Variants in SNTG2 observed in about 807,000 individuals in gnomAD.
SNTG2 encodes the protein syntrophin gamma 2, also known as gamma-2-syntrophin.
In SNTG2, 74 loss-of-function variants were observed where a neutral mutation model predicts 70.9. That is an observed-to-expected ratio of 1.04 (90% CI 0.86 to 1.27). The LOEUF (loss-of-function observed/expected upper bound fraction) is 1.27, where lower values mean the gene tolerates loss of function less well. Among genes scored for constraint, SNTG2 ranks in the 50% most tolerant of loss-of-function variants. The probability of loss-of-function intolerance (pLI) is 0.00; values close to 1 mark genes in which losing one functional copy is unlikely to be tolerated. For missense variants in SNTG2, 717 were observed against 690.7 expected, an observed-to-expected ratio of 1.04 and a Z score of -0.43; for synonymous variants, 278 against 273.8, an observed-to-expected ratio of 1.02 and a Z score of -0.15.
chr2:1,334,785 G>A (rs965364244), intron 16 of SNTG2, among the ~76,000 whole-genome samples: 6 of 152,090 alleles, frequency 3.9e-5, no homozygotes, highest in African/African-American at 1.4e-4. Flanking sequence ...TTGGGGAATT[G>A]GGGGGAAGGA....
intron 1 of SNTG2, among the ~76,000 whole-genome samples, chr2:974,344 G>A (rs967561524): frequency 6.6e-6 from 1 of 152,220 alleles, no homozygotes; most frequent in African/African-American, 2.4e-5. Context: ...GAAGGACAGG[G>A]CCTCCCCACG....
At chr2:997,388 A>G (rs1194950552) in intron 1 of SNTG2, among the ~76,000 whole-genome samples, 1 of 152,216 alleles carries the variant, frequency 6.6e-6, no homozygotes, top group Non-Finnish European at 1.5e-5. Context: ...GTGACTTGAC[A>G]TGCAGAAAAT....
intron 1 of SNTG2, among the ~76,000 whole-genome samples, chr2:1,063,829 G>A (rs939527220): frequency 3.9e-5 from 6 of 152,124 alleles, no homozygotes; most frequent in Non-Finnish European, 7.4e-5. Context: ...AGCAGAGTCC[G>A]ACTTAAGTAG....
rs530054939 is a variant in SNTG2, at chr2:1,159,817, C to CGCAA, written c.412-5729_412-5726dup. ...GTCTCCCAAGGTGGGCTTGTAATAACGCAAGATGCAGAGGCCTCTGAAAAG... is the reference window on the plus strand; with the variant it reads ...GTCTCCCAAGGTGGGCTTGTAATAACGCAAGCAAGATGCAGAGGCCTCTGAAAAG... On this transcript the variant is annotated intron_variant, in intron 6 of 16. Coordinates refer to ENST00000308624, the MANE Select transcript of SNTG2 (RefSeq NM_018968.4). 2.6e-3 allele frequency among the ~76,000 whole-genome samples: 393 copies of CGCAA among 152,168 alleles called. 2 individuals are homozygous for CGCAA. Among genetic ancestry groups the CGCAA allele is most frequent in the Admixed American group, 3.7e-3 (57 of 15,288 alleles).
At position 1,367,412 on chromosome 2, in the gene SNTG2, T is replaced by C. The variant is rs1661547454; in HGVS notation, c.1558T>C (p.Ser520Pro). 3 of 1,551,644 alleles carry C rather than the reference T, an allele frequency of 1.9e-6. No individual in the cohort carries two copies. Among genetic ancestry groups the C allele is most frequent in the Non-Finnish European group, 2.6e-6 (3 of 1,147,016 alleles). ...IHSFIAAKVA[S>P]VDPGFMDSQS... ...CTCCTTCATAGCAGCCAAGGTGGCC[T>C]CCGTGGACCCCGGCTTCATGGACAG... Residue 520 changes from serine (S) to proline (P), a missense_variant, in exon 17 of 17, where the codon TCC (serine) becomes CCC (proline). Coordinates refer to ENST00000308624, the MANE Select transcript of SNTG2 (RefSeq NM_018968.4).
At chr2:1,359,071 T>A (rs1661005700) in intron 16 of SNTG2, among the ~76,000 whole-genome samples, 1 of 152,168 alleles carries the variant, frequency 6.6e-6, no homozygotes, top group East Asian at 1.9e-4. Context: ...TTTTTTTGGA[T>A]TTTTGAATAT....
In SNTG2 at chr2:1,178,458, T is replaced by C. The variant is rs561488196; in HGVS notation, c.591+5275T>C. ...GTGGGTTTGTCATAGATAGCTCTTA[T>C]TATTTTGAGATATGTCCCATCAATA... On this transcript the variant is annotated intron_variant, in intron 8 of 16. Transcript: ENST00000308624. Among the ~76,000 whole-genome samples the C allele has an allele frequency of 2.5e-4, 38 of 151,880 alleles. 2 individuals carry two copies. The South Asian group carries it at 6.5e-3, about 26-fold the overall frequency.
chr2:984,908 C>G (rs1661254454), intron 1 of SNTG2, among the ~76,000 whole-genome samples: 1 of 152,202 alleles, frequency 6.6e-6, no homozygotes. Flanking sequence ...CAGAATTTAA[C>G]AAGGATTGAC....
chr2:1,148,578 G>A (rs997785804), intron 6 of SNTG2, among the ~76,000 whole-genome samples: 6 of 152,202 alleles, frequency 3.9e-5, no homozygotes. Flanking sequence ...CTACTGACCT[G>A]TGTGTTACTG....
chr2:1,134,420 T>G (rs4971473), intron 4 of SNTG2, among the ~76,000 whole-genome samples: 89,098 of 149,816 alleles, frequency 0.59, 27,376 homozygotes, highest in African/African-American at 0.71. Context: ...GGTTCTCCAC[T>G]TCCCCACTAG....
At chr2:1,365,282 C>G (rs1661418043) in intron 16 of SNTG2, among the ~76,000 whole-genome samples, 1 of 152,198 alleles carries the variant, frequency 6.6e-6, no homozygotes, top group Non-Finnish European at 1.5e-5. Flanking sequence ...ATGAAACTAC[C>G]TAAAGACTAT....
chr2:1,321,643 AG>A (rs1681526953), intron 16 of SNTG2, among the ~76,000 whole-genome samples: 1 of 152,136 alleles, frequency 6.6e-6, no homozygotes, highest in African/African-American at 2.4e-5. Context: ...GCCAGGAGGG[AG>A]GGCCAGTCCC....
intron 14 of SNTG2, among the ~76,000 whole-genome samples, chr2:1,281,905 C>T (rs1332917400): frequency 6.6e-6 from 1 of 152,164 alleles, no homozygotes; most frequent in Non-Finnish European, 1.5e-5. Context: ...CCGTCCGTGT[C>T]TCCTCAAGCC....
chr2:1,334,432 C>G (rs1341569577), intron 16 of SNTG2, among the ~76,000 whole-genome samples: 1 of 152,090 alleles, frequency 6.6e-6, no homozygotes, highest in East Asian at 1.9e-4. Flanking sequence ...ATCCAGCAAC[C>G]CCACTATTGG....
At chr2:1,362,026 A>G (rs112530069) in intron 16 of SNTG2, among the ~76,000 whole-genome samples, 1 of 148,896 alleles carries the variant, frequency 6.7e-6, no homozygotes, top group African/African-American at 2.5e-5. Flanking sequence ...CTTCCATGAA[A>G]GTCATTGATG....
intron 2 of SNTG2, among the ~76,000 whole-genome samples, chr2:1,089,019 T>G (rs573848938): frequency 3.9e-5 from 6 of 152,218 alleles, no homozygotes; most frequent in Non-Finnish European, 8.8e-5. Context: ...TTTGTGAAAT[T>G]TCACAGGTAC....
intron 12 of SNTG2, among the ~76,000 whole-genome samples, chr2:1,255,861 T>A (rs1336469157): frequency 2.9e-5 from 1 of 35,058 alleles, no homozygotes; most frequent in South Asian, 1.2e-3. Flanking sequence ...TAAATATATA[T>A]AAATATATAT....
chr2:1,056,159 G>T (rs1321965569), intron 1 of SNTG2, among the ~76,000 whole-genome samples: 1 of 151,302 alleles, frequency 6.6e-6, no homozygotes, highest in Non-Finnish European at 1.5e-5. Flanking sequence ...CCTGCGGATG[G>T]GCTCCAGCTT....
chr2:1,356,024 T>C (rs1660835824), intron 16 of SNTG2, among the ~76,000 whole-genome samples: 1 of 152,218 alleles, frequency 6.6e-6, no homozygotes, highest in South Asian at 2.1e-4. Flanking sequence ...TTGCGTATTT[T>C]GAAAATCAGG....
Sources: allele counts gnomAD v4.1 joint callset (sites outside exome capture counted in the v4.1 genomes callset), GRCh38; gene constraint gnomAD v4.1.1; transcripts MANE v1.5; gene names NCBI Gene and HGNC (gene_info 2026-07-23, HGNC 2026-07-21).